COL16A1: variants seen among roughly 807,000 people sequenced by gnomAD.
The protein encoded by COL16A1 is collagen alpha-1(XVI) chain.
COL16A1 carries 189 observed loss-of-function variants against 266.3 expected under a neutral mutation model. The observed-to-expected ratio is 0.71, with a 90% CI of 0.63 to 0.80. COL16A1 has a LOEUF of 0.80. COL16A1 is among the 30% of genes least tolerant of loss of function. COL16A1 has a pLI of 0.00. For synonymous variants in COL16A1, 740 were observed against 782.3 expected (o/e 0.95, Z 0.90); for missense variants, 1,928 against 2,122.4 (o/e 0.91, Z 1.80).
chr1:31,669,551 T>C (rs888848940), intron 49 of COL16A1, among the ~76,000 whole-genome samples: 23 of 151,860 alleles, frequency 1.5e-4, no homozygotes, highest in Admixed American at 5.2e-4. Context: ...GCCCAAACCT[T>C]TCCATGACAT....
intron 52 of COL16A1, among the ~76,000 whole-genome samples, chr1:31,666,555 G>T (rs911508738): frequency 6.6e-6 from 1 of 151,866 alleles, no homozygotes; most frequent in Non-Finnish European, 1.5e-5. Context: ...ACACCCCCAG[G>T]CCTTTGCACC....
intron 42 of COL16A1, among the ~76,000 whole-genome samples, chr1:31,676,946 G>A (rs1643237346): frequency 6.6e-6 from 1 of 152,228 alleles, no homozygotes; most frequent in African/African-American, 2.4e-5. Context: ...GCAATTTCCA[G>A]GCAGGCTCTA....
At chr1:31,687,875 T>C (rs1182210015) in intron 26 of COL16A1, among the ~76,000 whole-genome samples, 2 of 152,188 alleles carry the variant, frequency 1.3e-5, no homozygotes, top group Non-Finnish European at 2.9e-5. Context: ...AACATTTGGG[T>C]AACACTGCAT....
intron 61 of COL16A1, 77 bp downstream of exon 61, chr1:31,660,989 G>C: frequency 6.8e-7 from 1 of 1,461,662 alleles, no homozygotes; most frequent in African/African-American, 1.4e-5. Flanking sequence ...CAGTGAGCAG[G>C]AAGAAGCGGC....
At chr1:31,659,092 G>T in intron 62 of COL16A1, 128 bp from the exon 63 acceptor site, 2 of 873,942 alleles carry the variant, frequency 2.3e-6, no homozygotes, top group Non-Finnish European at 1.8e-6. Context: ...ACCTTCCTTC[G>T]CTCTGGTCTT....
In COL16A1 at chr1:31,658,553, T is replaced by C; in HGVS notation, c.3955A>G (p.Thr1319Ala). The change falls in exon 64 of 71, where the codon ACC (threonine) becomes GCC (alanine). Residue 1319 changes from threonine (T) to alanine (A), a missense_variant. By Grantham distance (58) the Thr-to-Ala change is moderately conservative (BLOSUM62 0). Coordinates refer to ENST00000373672, the MANE Select transcript of COL16A1 (RefSeq NM_001856.4). Reference sequence around the variant, plus strand: ...AGGCCTGCAAGGCCCCTTTCTCCGGTGGCTCCTCGGTCTCCTTTCAGACCC... The same window carrying C: ...AGGCCTGCAAGGCCCCTTTCTCCGGCGGCTCCTCGGTCTCCTTTCAGACCC... ...AVGLKGDRGA[T>A]GERGLAGLPG... 1.2e-6 allele frequency: 2 copies of C among 1,604,730 alleles called. No individual in the cohort carries two copies. Among genetic ancestry groups the C allele is most frequent in the Non-Finnish European group, 1.7e-6 (2 of 1,176,594 alleles).
In COL16A1 at chr1:31,697,167, C is replaced by T; in HGVS notation, c.738+53G>A. 1.2e-6 allele frequency: 2 copies of T among 1,612,480 alleles called. No individual in the cohort carries two copies. The highest frequency in any genetic ancestry group is 3.3e-5 in the Admixed American group (2 of 59,972). ...GACCTCCAGGCATCACCTTCCAGAC[C>T]CTCATCTCCAGCACAGTGTGTCCCT... On this transcript the variant is annotated intron_variant, in intron 7 of 70. Coordinates refer to ENST00000373672, the MANE Select transcript of COL16A1 (RefSeq NM_001856.4). The surrounding 1 kb of genome is among the most constrained non-coding windows in gnomAD (Gnocchi z 4.2).
chr1:31,668,752 G>T lies in COL16A1; in HGVS notation c.3249+50C>A. 6.2e-7 allele frequency: 1 copy of T among 1,604,896 alleles called. No homozygotes were observed. The highest frequency in any genetic ancestry group is 8.5e-7 in the Non-Finnish European group (1 of 1,171,916). ...TCAGAGCTCAAGCTCTGCCTCCCCA[G>T]CTCTTCCTCCCTTTCCAGCCCTTTC... is the stretch of plus-strand genomic sequence containing the variant. On this transcript the variant is annotated intron_variant, in intron 50 of 70. Coordinates refer to ENST00000373672, the MANE Select transcript of COL16A1 (RefSeq NM_001856.4). The surrounding 1 kb of genome is among the most constrained non-coding windows in gnomAD (Gnocchi z 5.8).
intron 33 of COL16A1, 50 bp from the exon 34 acceptor site, chr1:31,683,798 T>C (rs1465187245): frequency 6.2e-7 from 1 of 1,613,504 alleles, no homozygotes. Flanking sequence ...CAGTCACCCT[T>C]TCCCCTTCTC....
chr1:31,665,157 C>T lies in COL16A1; in HGVS notation c.3555+15G>A. The stretch of plus-strand genomic sequence containing the variant: ...GCTCAGATCTGTGACTTTGCCAACC[C>T]AGGGTCCTGCTCACCTTCTCTGCTT... On this transcript the variant is annotated intron_variant, in intron 56 of 70. Transcript: ENST00000373672. The T allele has an allele frequency of 6.2e-7, 1 of 1,604,504 alleles. No homozygotes were observed. The highest frequency in any genetic ancestry group is 8.5e-7 in the Non-Finnish European group (1 of 1,177,398).
In COL16A1 at chr1:31,692,402, CT is replaced by C. The variant is rs1337808017; in HGVS notation, c.1194+71del. On this transcript the variant is annotated intron_variant, in intron 16 of 70. Coordinates refer to ENST00000373672, the MANE Select transcript of COL16A1 (RefSeq NM_001856.4). ...ACACCCTCTCCTCAGAGAACCCCGA[CT>C]CCTCCTTCCTCATGGCTGTAGAGCC... is the stretch of plus-strand genomic sequence containing the variant. The C allele has an allele frequency of 4.5e-6, 7 of 1,550,036 alleles. No homozygotes were observed. The Admixed American group carries it at 5.5e-5, about 12-fold the overall frequency.
chr1:31,659,052 T>G, intron 62 of COL16A1, 88 bp from the exon 63 acceptor site: 24 of 1,219,632 alleles, frequency 2.0e-5, no homozygotes, highest in Non-Finnish European at 2.6e-5. Context: ...AAACAAGCTC[T>G]AAACTTCAGC....
In COL16A1 at chr1:31,670,562, G is replaced by T; in HGVS notation, c.3195+40C>A. The T allele has an allele frequency of 7.4e-7, 1 of 1,359,230 alleles. No homozygotes were observed. Among genetic ancestry groups the T allele is most frequent in the Middle Eastern group, 1.9e-4 (1 of 5,290 alleles). 84.2% of individuals were successfully genotyped at this position (1,359,230 alleles called of 1,614,324 possible). A position where few individuals can be genotyped will look rare whatever the true frequency, so the allele number is the denominator to read the frequency against. On this transcript the variant is annotated intron_variant, in intron 49 of 70. Coordinates refer to ENST00000373672, the MANE Select transcript of COL16A1 (RefSeq NM_001856.4). The surrounding 1 kb of genome is among the most constrained non-coding windows in gnomAD (Gnocchi z 4.5). Reference sequence around the variant, plus strand: ...AAGCAAAAGCCACAGAGACCTGGCTGACGGGGGGGAGGGGAGGTCGAGCAG... The same window carrying T: ...AAGCAAAAGCCACAGAGACCTGGCTTACGGGGGGGAGGGGAGGTCGAGCAG...
In COL16A1 at chr1:31,670,724, T is replaced by TG; in HGVS notation, c.3151-79dup. ...AGCCTGGAGGGCACAGTCTGGGGCT[T>TG]GGGGGTCATGGGGAGAGGAGGTCAT... On this transcript the variant is annotated intron_variant, in intron 48 of 70. Transcript: ENST00000373672. This position sits in a 1 kb window ranked among gnomAD's most constrained non-coding sequence, Gnocchi z 4.5. The TG allele has an allele frequency of 8.3e-7, 1 of 1,206,614 alleles. No individual in the cohort carries two copies. 74.7% of individuals were successfully genotyped at this position (1,206,614 alleles called of 1,614,324 possible). A position where few individuals can be genotyped will look rare whatever the true frequency, so the allele number is the denominator to read the frequency against.
Position 31,691,509 on chromosome 1 carries a change from C to A in COL16A1, c.1306G>T (p.Asp436Tyr), listed in dbSNP as rs780791919. Residue 436 changes from aspartate to tyrosine, a missense_variant, in exon 19 of 71, where the codon GAC becomes TAC. Coordinates refer to ENST00000373672, the MANE Select transcript of COL16A1 (RefSeq NM_001856.4). ...CCCTCAGGCCCAACAAAGCCAGGGT[C>A]TCCCTGGCACAGACATAAGGTGGGC... ...CVIGPKGQKG[D>Y]PGFVGPEGLA... 1 of 1,613,842 alleles carries A rather than the reference C, an allele frequency of 6.2e-7. No individual in the cohort carries two copies. Among genetic ancestry groups the A allele is most frequent in the South Asian group, 1.1e-5 (1 of 91,080 alleles).
intron 34 of COL16A1, 30 bp from the exon 35 acceptor site, chr1:31,683,399 C>T (rs1643785884): frequency 6.2e-7 from 1 of 1,612,692 alleles, no homozygotes; most frequent in Non-Finnish European, 8.5e-7. Flanking sequence ...GACTAGGGCA[C>T]AGCAGCCACA....
chr1:31,685,604 C>T lies in COL16A1; in HGVS notation c.2016+35G>A, dbSNP rs1643929778. 6.2e-7 allele frequency: 1 copy of T among 1,604,074 alleles called. No individual in the cohort carries two copies. The highest frequency in any genetic ancestry group is 8.5e-7 in the Non-Finnish European group (1 of 1,173,284). Reference sequence around the variant, plus strand: ...CCTCTCCTTAGCCCCGCCTGCATCCCCCGTCCAGAGGCCCCTGCCTATATC... The same window carrying T: ...CCTCTCCTTAGCCCCGCCTGCATCCTCCGTCCAGAGGCCCCTGCCTATATC... On this transcript the variant is annotated intron_variant, in intron 29 of 70. Transcript: ENST00000373672. The surrounding 1 kb of genome is among the most constrained non-coding windows in gnomAD (Gnocchi z 4.0).
chr1:31,694,084 G>C, intron 12 of COL16A1, 60 bp downstream of exon 12: 1 of 1,515,644 alleles, frequency 6.6e-7, no homozygotes. Context: ...GTCACATGCT[G>C]TGGGAATGGC....
In COL16A1 at chr1:31,662,117, G is replaced by A. The variant is rs193073808; in HGVS notation, c.3681+217C>T. ...TCCTGCCTTTGGTGAGACCTAGCTC[G>A]CCTAACCTGCTTAAGGCCACTAGGA... On this transcript the variant is annotated intron_variant, in intron 58 of 70. Transcript: ENST00000373672. 2.6e-4 allele frequency among the ~76,000 whole-genome samples: 39 copies of A among 152,260 alleles called. 1 individual carries two copies. In the East Asian group the frequency reaches 5.8e-3, roughly 23 times the overall value.
Sources: allele counts gnomAD v4.1 joint callset (sites outside exome capture counted in the v4.1 genomes callset), GRCh38; gene constraint gnomAD v4.1.1; non-coding constraint Gnocchi (gnomAD v3.1); transcripts MANE v1.5; gene names NCBI Gene and HGNC (gene_info 2026-07-23, HGNC 2026-07-21).